Variants in FIG4 observed in about 807,000 individuals in gnomAD.
The protein encoded by FIG4 is polyphosphoinositide phosphatase.
FIG4 carries 112 observed loss-of-function variants against 118.6 expected under a neutral mutation model. That is an observed-to-expected ratio of 0.94 (90% confidence interval 0.81 to 1.11). FIG4 has a LOEUF of 1.11. Among genes scored for constraint, FIG4 ranks in the 50% least tolerant of loss-of-function variants. The probability of loss-of-function intolerance (pLI) is 0.00; values close to 1 mark genes in which losing one functional copy is unlikely to be tolerated. For synonymous variants in FIG4, 369 were observed against 381.2 expected, an observed-to-expected ratio of 0.97 and a Z score of 0.37; for missense variants, 969 against 1,111.7, an observed-to-expected ratio of 0.87 and a Z score of 1.83.
At chr6:109,812,049 T>A (rs961400112) in intron 22 of FIG4, among the ~76,000 whole-genome samples, 1 of 152,144 alleles carries the variant, frequency 6.6e-6, no homozygotes, top group Admixed American at 6.5e-5. Context: ...TTTTTCCCCA[T>A]GCTGTTCTCG....
intron 22 of FIG4, among the ~76,000 whole-genome samples, chr6:109,804,369 C>T (rs1320754055): frequency 6.6e-6 from 1 of 152,116 alleles, no homozygotes; most frequent in East Asian, 1.9e-4. Flanking sequence ...TTCCTGACAA[C>T]CATTCCTTTT....
rs1236653957 is a variant in FIG4, at chr6:109,741,538, C to T, written c.870C>T (p.Asn290=). The change falls in exon 8 of 23, where the codon AAC becomes AAT. Residue 290 remains asparagine (N), a synonymous_variant. Coordinates refer to ENST00000230124, the MANE Select transcript of FIG4 (RefSeq NM_014845.6). ...CCCGTTTTCTTAAAAGAGGTGCAAA[C>T]TGTGAGGTAAGATGACAAACAGTAT... is the stretch of plus-strand genomic sequence containing the variant. ...AGTRFLKRGA[N]CEGDVANEVE... is the part of the protein sequence containing the mutation. The T allele has an allele frequency of 9.4e-6, 15 of 1,597,274 alleles. No homozygotes were observed. The highest frequency in any genetic ancestry group is 1.1e-5 in the Non-Finnish European group (13 of 1,164,848).
chr6:109,717,008 C>CT (rs58004392), intron 3 of FIG4, among the ~76,000 whole-genome samples: 59,055 of 138,252 alleles, frequency 0.43, 13,005 homozygotes, highest in African/African-American at 0.57. Flanking sequence ...TGGATGACTG[C>CT]TTTTTTTTTT....
Position 109,792,576 on chromosome 6 carries a change from C to A in FIG4, c.2377-6C>A, listed in dbSNP as rs565566542. On this transcript the variant is annotated splice_polypyrimidine_tract_variant and splice_region_variant and intron_variant, in intron 20 of 22. Transcript: ENST00000230124. ...CTGGTTCTTCTTTTTTTTTTTTAAA[C>A]CCCAGAATGTGGTCCAACCCATGAA... 4 of 1,551,934 alleles carry A rather than the reference C, an allele frequency of 2.6e-6. No individual in the cohort carries two copies. The East Asian group carries it at 9.0e-5, about 35-fold the overall frequency.
At chr6:109,708,557 A>G (rs2128379931) in intron 1 of FIG4, among the ~76,000 whole-genome samples, 1 of 152,362 alleles carries the variant, frequency 6.6e-6, no homozygotes. Context: ...GTCTTCTACA[A>G]TGGTTCAACT....
chr6:109,759,425 A>G (rs1036405685), intron 10 of FIG4, among the ~76,000 whole-genome samples: 1 of 152,184 alleles, frequency 6.6e-6, no homozygotes, highest in Non-Finnish European at 1.5e-5. Flanking sequence ...AAGAAAAAAA[A>G]AGAAAAAAAA....
chr6:109,707,614 T>C (rs999448516), intron 1 of FIG4, among the ~76,000 whole-genome samples: 1 of 151,996 alleles, frequency 6.6e-6, no homozygotes, highest in Admixed American at 6.6e-5. Flanking sequence ...CCAACTTGTC[T>C]GACATTTTTC....
intron 15 of FIG4, among the ~76,000 whole-genome samples, chr6:109,774,406 C>G (rs1452599121): frequency 6.6e-6 from 1 of 152,022 alleles, no homozygotes; most frequent in African/African-American, 2.4e-5. Flanking sequence ...TAGAGTTGTT[C>G]TAAACAAACA....
At chr6:109,769,623 T>TAA (rs777015058) in intron 15 of FIG4, among the ~76,000 whole-genome samples, 3 of 140,074 alleles carry the variant, frequency 2.1e-5, no homozygotes, top group Non-Finnish European at 1.6e-5. Context: ...TAAACTAGAT[T>TAA]AAAAAAAAAA....
chr6:109,703,756 C>T (rs1234429254), intron 1 of FIG4, among the ~76,000 whole-genome samples: 2 of 152,188 alleles, frequency 1.3e-5, no homozygotes, highest in Non-Finnish European at 2.9e-5. Flanking sequence ...GATGCTCTGT[C>T]CTTATCGACT....
intron 22 of FIG4, among the ~76,000 whole-genome samples, chr6:109,811,319 T>C (rs1175053588): frequency 3.9e-5 from 6 of 152,130 alleles, no homozygotes; most frequent in Admixed American, 1.3e-4. Context: ...CATTCCATGA[T>C]TGAAAGTCCT....
At chr6:109,769,950 G>C (rs1219600162) in intron 15 of FIG4, among the ~76,000 whole-genome samples, 1 of 152,172 alleles carries the variant, frequency 6.6e-6, no homozygotes, top group African/African-American at 2.4e-5. Flanking sequence ...AACCAGAATA[G>C]TGAAATTAGG....
intron 1 of FIG4, among the ~76,000 whole-genome samples, chr6:109,694,493 A>G (rs1227273100): frequency 1.3e-5 from 2 of 152,212 alleles, no homozygotes; most frequent in Admixed American, 6.5e-5. Context: ...ACCAGAAGAA[A>G]ACATAGGGGA....
chr6:109,757,846 A>T (rs750806993), intron 10 of FIG4, among the ~76,000 whole-genome samples: 19 of 152,198 alleles, frequency 1.2e-4, no homozygotes, highest in Admixed American at 5.9e-4. Flanking sequence ...TCATGAATGA[A>T]CTCCCATTCA....
chr6:109,748,764 A>G (rs1198860307), intron 10 of FIG4, among the ~76,000 whole-genome samples: 1 of 152,162 alleles, frequency 6.6e-6, no homozygotes, highest in Non-Finnish European at 1.5e-5. Flanking sequence ...GCGGCAGACA[A>G]GAGAGAATGA....
At position 109,698,969 on chromosome 6, in the gene FIG4, A is replaced by G. The variant is rs551449609; in HGVS notation, c.66+7468A>G. On this transcript the variant is annotated intron_variant, in intron 1 of 22. Coordinates refer to ENST00000230124, the MANE Select transcript of FIG4 (RefSeq NM_014845.6). ...TTCTTAATGTCTTTGTCTGATTTTG[A>G]TATCAGGATAACTCTAGCTTCATAA... 2.0e-5 allele frequency among the ~76,000 whole-genome samples: 3 copies of G among 152,294 alleles called. No individual in the cohort carries two copies. In the South Asian group the frequency reaches 6.2e-4, roughly 32 times the overall value.
intron 16 of FIG4, among the ~76,000 whole-genome samples, chr6:109,778,187 G>A (rs1047875024): frequency 2.6e-5 from 4 of 151,992 alleles, no homozygotes; most frequent in Admixed American, 6.6e-5. Flanking sequence ...CAGGCCGGGC[G>A]TGGTGGCTCA....
At position 109,774,615 on chromosome 6, in the gene FIG4, A is replaced by G. The variant is rs564908059; in HGVS notation, c.1751-2307A>G. ...CCCTTGGCAGAGTATGGGAGTGCCT[A>G]TTTTGAAATGTATTTGCCAACTTAA... On this transcript the variant is annotated intron_variant, in intron 15 of 22. Transcript: ENST00000230124. Among the ~76,000 whole-genome samples the G allele has an allele frequency of 6.6e-5, 10 of 152,278 alleles. No individual in the cohort carries two copies. In the East Asian group the frequency reaches 1.4e-3, roughly 21 times the overall value.
In FIG4 at chr6:109,694,828, T is replaced by C. The variant is rs117477413; in HGVS notation, c.66+3327T>C. ...GATATACAAATGGCCAACAGGTATATGAAAAATTACTCAAGGTCACTAATT... is the reference window on the plus strand; with the variant it reads ...GATATACAAATGGCCAACAGGTATACGAAAAATTACTCAAGGTCACTAATT... On this transcript the variant is annotated intron_variant, in intron 1 of 22. Coordinates refer to ENST00000230124, the MANE Select transcript of FIG4 (RefSeq NM_014845.6). 4.6e-3 allele frequency among the ~76,000 whole-genome samples: 702 copies of C among 152,282 alleles called. 2 individuals carry two copies. The highest frequency in any genetic ancestry group is 0.011 in the South Asian group (54 of 4,826).
Sources: gnomAD v4.1 joint callset for allele counts (sites outside exome capture counted in the v4.1 genomes callset) on GRCh38, gnomAD v4.1.1 for gene constraint, MANE v1.5 for transcripts, NCBI Gene and HGNC (gene_info 2026-07-23, HGNC 2026-07-21) for gene names.